The following PTDSS1 variants were observed in gnomAD, a reference collection of about 807,000 sequenced individuals.
The protein encoded by PTDSS1 is PSS-1.
A neutral mutation model predicts 70.5 loss-of-function variants in PTDSS1; 45 were observed. The ratio of observed to expected loss-of-function variants is 0.64; its 90% CI spans 0.50 to 0.82. PTDSS1 has a LOEUF of 0.82. Among genes scored for constraint, PTDSS1 ranks in the 40% least tolerant of loss-of-function variants. The probability of loss-of-function intolerance (pLI) is 0.00; values close to 1 mark genes in which losing one functional copy is unlikely to be tolerated. For missense variants in PTDSS1, 417 were observed against 586.1 expected (o/e 0.71, Z 2.98); for synonymous variants, 188 against 203.8 (o/e 0.92, Z 0.66).
At chr8:96,296,023 C>T (rs1048150238) in intron 5 of PTDSS1, among the ~76,000 whole-genome samples, 10 of 150,318 alleles carry the variant, frequency 6.7e-5, no homozygotes, top group African/African-American at 2.4e-4. Flanking sequence ...CAGGCTCCTT[C>T]TCTATCTTTG....
At chr8:96,320,851 C>G (rs543108794) in intron 10 of PTDSS1, among the ~76,000 whole-genome samples, 1 of 152,340 alleles carries the variant, frequency 6.6e-6, no homozygotes, top group South Asian at 2.1e-4. Flanking sequence ...TGGATATCAC[C>G]TTCCGCTCTG....
chr8:96,324,759 G>A (rs1159223338), intron 10 of PTDSS1, among the ~76,000 whole-genome samples: 1 of 152,200 alleles, frequency 6.6e-6, no homozygotes, highest in Admixed American at 6.5e-5. Context: ...TTTTGGCAAG[G>A]ACATTCAAAC....
intron 2 of PTDSS1, among the ~76,000 whole-genome samples, chr8:96,279,406 T>C (rs1211328892): frequency 6.6e-6 from 1 of 151,904 alleles, no homozygotes; most frequent in Non-Finnish European, 1.5e-5. Context: ...ATGATAATCA[T>C]GTCTCCTTGA....
chr8:96,295,130 G>A lies in PTDSS1; in HGVS notation c.474G>A (p.Trp158Ter). Residue 158 changes from tryptophan to a stop codon, truncating the protein, a stop_gained, in exon 5 of 13, where the codon TGG (tryptophan) becomes TGA (stop). Transcript: ENST00000517309. LOFTEE classifies it high-confidence loss of function. ...EYAVNCHVIT[W>*]ERIISHFDIF... is the part of the protein sequence containing the mutation. ...CTGTGAACTGCCATGTGATCACCTG[G>A]GAGAGGATTATCAGCCACTTTGATA... is the stretch of plus-strand genomic sequence containing the variant. 6.2e-7 allele frequency: 1 copy of A among 1,613,920 alleles called. No homozygotes were observed. The highest frequency in any genetic ancestry group is 8.5e-7 in the Non-Finnish European group (1 of 1,179,906).
intron 4 of PTDSS1, among the ~76,000 whole-genome samples, chr8:96,288,589 G>A (rs1303066734): frequency 6.8e-6 from 1 of 146,908 alleles, no homozygotes; most frequent in Non-Finnish European, 1.5e-5. Context: ...GCCTCCTAGA[G>A]TGCTGGGATT....
At chr8:96,309,533 T>C in intron 8 of PTDSS1, 24 bp from the exon 9 acceptor site, 1 of 1,609,594 alleles carries the variant, frequency 6.2e-7, no homozygotes, top group East Asian at 2.2e-5. Flanking sequence ...CAGCTCTCAA[T>C]GAATTCCAAC....
chr8:96,305,823 G>C (rs986269087), intron 7 of PTDSS1, among the ~76,000 whole-genome samples: 5 of 152,052 alleles, frequency 3.3e-5, no homozygotes, highest in African/African-American at 1.2e-4. Context: ...GAGTAGCTGG[G>C]ATTACAGGCG....
At position 96,320,343 on chromosome 8, in the gene PTDSS1, G is replaced by A. The variant is rs781468003; in HGVS notation, c.1171G>A (p.Val391Met). The change falls in exon 10 of 13, where the codon GTG becomes ATG. Residue 391 changes from valine to methionine, a missense_variant and splice_region_variant. Physicochemically the swap from Val to Met is conservative, Grantham distance 21 (BLOSUM62 1). Transcript: ENST00000517309. Reference sequence around the variant, plus strand: ...CTATGTTGTGCTTTGGCTTCTTTGCGTGGTAAGTCACTGCATTTTACCCAA... The same window carrying A: ...CTATGTTGTGCTTTGGCTTCTTTGCATGGTAAGTCACTGCATTTTACCCAA... ...ILYVVLWLLCVAFTTFLCLYG... is the reference protein window; with the variant it reads ...ILYVVLWLLCMAFTTFLCLYG... The A allele has an allele frequency of 3.5e-5, 56 of 1,601,758 alleles. No individual in the cohort carries two copies. Among genetic ancestry groups the A allele is most frequent in the East Asian group, 8.9e-5 (4 of 44,816 alleles).
intron 11 of PTDSS1, 188 bp downstream of exon 11, chr8:96,330,469 G>GCT (rs55948126): frequency 0.049 from 29,201 of 599,678 alleles, 955 homozygotes; most frequent in African/African-American, 0.12. Flanking sequence ...GCTTGTGACG[G>GCT]CTCTGTTCAG....
chr8:96,330,561 C>T (rs1487651020), intron 11 of PTDSS1: 2 of 450,584 alleles, frequency 4.4e-6, no homozygotes, highest in Non-Finnish European at 8.2e-6. Context: ...GATGGGAAAG[C>T]TGTGGACTGG....
At chr8:96,324,415 C>G (rs1319686621) in intron 10 of PTDSS1, among the ~76,000 whole-genome samples, 1 of 152,204 alleles carries the variant, frequency 6.6e-6, no homozygotes, top group African/African-American at 2.4e-5. Context: ...TACCGATTTT[C>G]TGTCTTAGTC....
intron 11 of PTDSS1, chr8:96,330,667 G>A (rs890710014): frequency 3.3e-5 from 12 of 366,060 alleles, no homozygotes; most frequent in Non-Finnish European, 4.5e-5. Flanking sequence ...CGCTTGCCCT[G>A]ACCTTCATTT....
intron 5 of PTDSS1, 74 bp downstream of exon 5, chr8:96,295,330 G>C: frequency 7.0e-7 from 1 of 1,429,528 alleles, no homozygotes. Context: ...AAGTATGTCA[G>C]TTAACAGTCA....
At chr8:96,331,134 T>C (rs1427910606) in intron 12 of PTDSS1, 39 bp downstream of exon 12, 2 of 1,537,856 alleles carry the variant, frequency 1.3e-6, no homozygotes, top group African/African-American at 2.7e-5. Context: ...TTTTACTGGG[T>C]CCTTGAGATG....
intron 5 of PTDSS1, among the ~76,000 whole-genome samples, chr8:96,295,845 C>A (rs199635901): frequency 5.9e-5 from 9 of 152,292 alleles, no homozygotes; most frequent in African/African-American, 1.9e-4. Context: ...CGTCCACATG[C>A]GCAGTATACT....
chr8:96,297,522 G>A (rs1210187561), intron 5 of PTDSS1, among the ~76,000 whole-genome samples: 2 of 152,078 alleles, frequency 1.3e-5, no homozygotes, highest in South Asian at 2.1e-4. Flanking sequence ...CCCTGCCTAC[G>A]AGGCTCCAGG....
In PTDSS1 at chr8:96,273,374, G is replaced by A. The variant is rs1563561268; in HGVS notation, c.255G>A (p.Val85=). Residue 85 remains valine, a synonymous_variant, in exon 2 of 13, where the codon GTG becomes GTA. Transcript: ENST00000517309. ...SVIFFFLIIS[V]LAFPNGPFTR... ...TTTTCTTCTTTCTTATCATCAGTGT[G>A]TTAGCTTTCCCCAATGGTAAGTAAT... The A allele has an allele frequency of 1.9e-6, 3 of 1,611,678 alleles. No homozygotes were observed. The highest frequency in any genetic ancestry group is 2.5e-6 in the Non-Finnish European group (3 of 1,178,702).
intron 9 of PTDSS1, among the ~76,000 whole-genome samples, chr8:96,312,384 A>C: frequency 6.6e-6 from 1 of 152,052 alleles, no homozygotes; most frequent in East Asian, 1.9e-4. Flanking sequence ...CAGGATGTCA[A>C]GGAGGTCAAG....
At chr8:96,287,301 T>C (rs912977809) in intron 4 of PTDSS1, 155 bp downstream of exon 4, 9 of 964,204 alleles carry the variant, frequency 9.3e-6, no homozygotes, top group Non-Finnish European at 1.1e-5. Flanking sequence ...GTTGCATGGT[T>C]GTCCACAGGT....
Sources: gnomAD v4.1 joint callset for allele counts (sites outside exome capture counted in the v4.1 genomes callset) on GRCh38, gnomAD v4.1.1 for gene constraint, MANE v1.5 for transcripts, NCBI Gene and HGNC (gene_info 2026-07-23, HGNC 2026-07-21) for gene names.